The following DPP10 variants were observed in gnomAD, a reference collection of about 807,000 sequenced individuals.
The protein encoded by DPP10 is dipeptidyl peptidase like 10, also known as inactive dipeptidyl peptidase 10.
Under a neutral mutation model 120.9 loss-of-function variants are expected in DPP10, and 33 were observed. The ratio of observed to expected loss-of-function variants is 0.27; its 90% confidence interval spans 0.21 to 0.37. DPP10 has a LOEUF of 0.37. Ranked by LOEUF, DPP10 falls within the 10% of genes least tolerant of loss-of-function variation. The pLI, the probability that DPP10 is intolerant of heterozygous loss-of-function variation, is 1.00. For synonymous variants in DPP10, 337 were observed against 326.1 expected (o/e 1.03, Z -0.36); for missense variants, 816 against 942.8 (o/e 0.87, Z 1.76).
At chr2:114,887,520 A>G (rs907199448) in intron 1 of DPP10, among the ~76,000 whole-genome samples, 1 of 152,176 alleles carries the variant, frequency 6.6e-6, no homozygotes, top group Non-Finnish European at 1.5e-5. Flanking sequence ...ACATCCCCAA[A>G]GTCTTGGGAT....
chr2:114,837,337 C>A (rs1325809446), intron 1 of DPP10, among the ~76,000 whole-genome samples: 1 of 152,176 alleles, frequency 6.6e-6, no homozygotes, highest in African/African-American at 2.4e-5. Flanking sequence ...TCCCTCCGTT[C>A]CGGGTCCCTG....
chr2:114,541,924 A>AT (rs1210244011), intron 1 of DPP10, among the ~76,000 whole-genome samples: 3 of 152,056 alleles, frequency 2.0e-5, no homozygotes, highest in East Asian at 1.9e-4. Flanking sequence ...TCCCTTTATT[A>AT]TTTTTTGTAA....
intron 1 of DPP10, among the ~76,000 whole-genome samples, chr2:115,011,847 T>G (rs1455967881): frequency 6.6e-6 from 1 of 152,028 alleles, no homozygotes; most frequent in African/African-American, 2.4e-5. Context: ...CCTGTGAGTC[T>G]GCTTGCTTTT....
chr2:114,597,285 A>G lies in DPP10; in HGVS notation c.60+154447A>G, dbSNP rs1691994215. On this transcript the variant is annotated intron_variant, in intron 1 of 25. Transcript: ENST00000410059. ...GATACATAGGGGAATGGTGGGAATA[A>G]GGATAGAAAGTGACTGGGGACAGAC... 3.9e-5 allele frequency among the ~76,000 whole-genome samples: 6 copies of G among 152,052 alleles called. No individual in the cohort carries two copies. In the South Asian group the frequency reaches 1.2e-3, roughly 31 times the overall value.
chr2:114,782,229 T>A (rs907094205), intron 1 of DPP10, among the ~76,000 whole-genome samples: 5 of 151,852 alleles, frequency 3.3e-5, no homozygotes, highest in African/African-American at 1.2e-4. Context: ...TAATTTTGCG[T>A]ATAAGGAGAG....
At chr2:114,799,178 T>C (rs1297906462) in intron 1 of DPP10, among the ~76,000 whole-genome samples, 1 of 152,300 alleles carries the variant, frequency 6.6e-6, no homozygotes, top group East Asian at 1.9e-4. Flanking sequence ...ATGTCAGAGA[T>C]AAATGGAGAG....
At chr2:115,139,547 A>G (rs2050810677) in intron 1 of DPP10, among the ~76,000 whole-genome samples, 1 of 151,976 alleles carries the variant, frequency 6.6e-6, no homozygotes, top group African/African-American at 2.4e-5. Flanking sequence ...AAGATCAGTT[A>G]TAAAATGGAC....
chr2:114,949,581 C>G (rs1447607696), intron 1 of DPP10, among the ~76,000 whole-genome samples: 3 of 152,084 alleles, frequency 2.0e-5, no homozygotes, highest in Non-Finnish European at 4.4e-5. Context: ...AGTGGTGGGC[C>G]CCAAGGGTTT....
intron 1 of DPP10, among the ~76,000 whole-genome samples, chr2:115,139,496 T>C (rs1189027486): frequency 1.3e-5 from 2 of 151,842 alleles, no homozygotes; most frequent in Admixed American, 6.6e-5. Context: ...GAGAAATATA[T>C]AGTAAGCACC....
At chr2:114,662,876 G>A (rs1697538969) in intron 1 of DPP10, among the ~76,000 whole-genome samples, 1 of 152,124 alleles carries the variant, frequency 6.6e-6, no homozygotes, top group Non-Finnish European at 1.5e-5. Context: ...CCTCGTAGCC[G>A]GGTCCTGAAT....
intron 3 of DPP10, among the ~76,000 whole-genome samples, 187 bp from the exon 4 acceptor site, chr2:115,499,323 C>A (rs17044463): frequency 0.2 from 30,998 of 151,832 alleles, 4,340 homozygotes; most frequent in African/African-American, 0.39. Context: ...GCACAATAGA[C>A]CATGTGTTAG....
At chr2:115,417,550 A>G (rs2069541601) in intron 3 of DPP10, among the ~76,000 whole-genome samples, 1 of 152,130 alleles carries the variant, frequency 6.6e-6, no homozygotes, top group Non-Finnish European at 1.5e-5. Flanking sequence ...CTAACTTTTG[A>G]TTCTTATTAC....
intron 13 of DPP10, among the ~76,000 whole-genome samples, chr2:115,774,541 G>T (rs1681868349): frequency 6.6e-6 from 1 of 152,094 alleles, no homozygotes; most frequent in Admixed American, 6.6e-5. Context: ...TTTGGGTTAT[G>T]CAGTTCTCAT....
At chr2:115,775,771 T>A (rs1196119959) in intron 13 of DPP10, among the ~76,000 whole-genome samples, 2 of 152,120 alleles carry the variant, frequency 1.3e-5, no homozygotes, top group Non-Finnish European at 2.9e-5. Flanking sequence ...AACCAATTAT[T>A]GACAAGTTGA....
chr2:115,021,951 A>T (rs1703106051), intron 1 of DPP10, among the ~76,000 whole-genome samples: 1 of 152,154 alleles, frequency 6.6e-6, no homozygotes, highest in African/African-American at 2.4e-5. Context: ...GTTTGACAAA[A>T]TCCAGCATCC....
chr2:115,087,233 C>T (rs1438152167), intron 1 of DPP10, among the ~76,000 whole-genome samples: 5 of 152,066 alleles, frequency 3.3e-5, no homozygotes, highest in Admixed American at 1.3e-4. Flanking sequence ...GAGTAGGCCG[C>T]GAGTTAAAAG....
At chr2:114,826,287 A>G (rs981523289) in intron 1 of DPP10, among the ~76,000 whole-genome samples, 1 of 152,156 alleles carries the variant, frequency 6.6e-6, no homozygotes, top group Non-Finnish European at 1.5e-5. Context: ...TCACTGAAAC[A>G]TGATGTTTCA....
intron 1 of DPP10, among the ~76,000 whole-genome samples, chr2:115,041,084 A>T (rs1262249332): frequency 1.4e-5 from 2 of 146,162 alleles, no homozygotes; most frequent in African/African-American, 5.1e-5. Flanking sequence ...AGGCCACTGC[A>T]CTCCAGCCTG....
intron 1 of DPP10, among the ~76,000 whole-genome samples, chr2:115,006,226 A>G (rs1443723899): frequency 6.6e-6 from 1 of 152,176 alleles, no homozygotes; most frequent in Non-Finnish European, 1.5e-5. Context: ...AGCATTAAAC[A>G]TGGAAAGGAA....
Sources: gnomAD v4.1 joint callset for allele counts (sites outside exome capture counted in the v4.1 genomes callset) on GRCh38, gnomAD v4.1.1 for gene constraint, MANE v1.5 for transcripts, NCBI Gene and HGNC (gene_info 2026-07-23, HGNC 2026-07-21) for gene names.